The following SGCZ variants were observed in gnomAD, a reference collection of about 807,000 sequenced individuals.
SGCZ encodes the protein sarcoglycan zeta.
In SGCZ, 40 loss-of-function variants were observed where a neutral mutation model predicts 41.3. The ratio of observed to expected loss-of-function variants is 0.97; its 90% CI spans 0.75 to 1.26. The LOEUF is 1.26. Ranked by LOEUF, SGCZ falls within the 50% of genes most tolerant of loss-of-function variation. The probability of loss-of-function intolerance (pLI) is 0.00; values close to 1 mark genes in which losing one functional copy is unlikely to be tolerated. For synonymous variants in SGCZ, 206 were observed against 137.5 expected, an observed-to-expected ratio of 1.50 and a Z score of -3.49; for missense variants, 552 against 369.8, an observed-to-expected ratio of 1.49 and a Z score of -4.04.
chr8:14,712,560 G>T (rs1809555283), intron 1 of SGCZ, among the ~76,000 whole-genome samples: 1 of 152,056 alleles, frequency 6.6e-6, no homozygotes, highest in Non-Finnish European at 1.5e-5. Flanking sequence ...TCTTTTGGGG[G>T]GAGACAAATG....
chr8:14,558,754 C>T (rs1426955200), intron 1 of SGCZ, among the ~76,000 whole-genome samples: 2 of 151,992 alleles, frequency 1.3e-5, no homozygotes, highest in Non-Finnish European at 2.9e-5. Context: ...TACTAGCTAA[C>T]CAAATCCAAT....
intron 2 of SGCZ, among the ~76,000 whole-genome samples, chr8:14,409,674 A>G (rs772780084): frequency 3.9e-5 from 6 of 152,132 alleles, no homozygotes; most frequent in Non-Finnish European, 7.4e-5. Context: ...GCTAACGCTA[A>G]CCACCATATT....
chr8:14,562,176 C>A (rs1804226083), intron 1 of SGCZ, among the ~76,000 whole-genome samples: 1 of 151,964 alleles, frequency 6.6e-6, no homozygotes, highest in Admixed American at 6.6e-5. Context: ...ATATTAGTGC[C>A]CAGGAAATTT....
At chr8:14,457,724 G>A (rs753840513) in intron 2 of SGCZ, among the ~76,000 whole-genome samples, 7 of 152,118 alleles carry the variant, frequency 4.6e-5, no homozygotes, top group Non-Finnish European at 2.9e-5. Context: ...TCTCTGCCTC[G>A]GCTGCCAGGC....
intron 2 of SGCZ, among the ~76,000 whole-genome samples, chr8:14,328,044 A>G (rs971621472): frequency 6.6e-6 from 1 of 152,072 alleles, no homozygotes; most frequent in Non-Finnish European, 1.5e-5. Context: ...CACTGTGTCT[A>G]TTTCTCCCTT....
intron 3 of SGCZ, among the ~76,000 whole-genome samples, chr8:14,263,615 G>C (rs1267955163): frequency 6.6e-6 from 1 of 151,978 alleles, no homozygotes; most frequent in Non-Finnish European, 1.5e-5. Flanking sequence ...GCAAAGAAGA[G>C]GCAGAGCAAA....
chr8:14,102,928 C>T (rs754185387), intron 6 of SGCZ, among the ~76,000 whole-genome samples: 1 of 152,070 alleles, frequency 6.6e-6, no homozygotes, highest in Non-Finnish European at 1.5e-5. Context: ...TATATGTATT[C>T]CTCAATAAAG....
rs1159106575 is a variant in SGCZ at position 14,087,492 on chromosome 8, T to C, written c.*2951A>G. 6.6e-6 allele frequency among the ~76,000 whole-genome samples: 1 copy of C among 151,680 alleles called. No individual in the cohort carries two copies. Among genetic ancestry groups the C allele is most frequent in the African/African-American group, 2.4e-5 (1 of 41,392 alleles). The stretch of plus-strand genomic sequence containing the variant: ...TTTTCTTCTTCCGTTTGTTCCTTCC[T>C]GGCGTACACTGAGTATGAAGTTATT... On this transcript the variant is annotated 3_prime_UTR_variant, in exon 8 of 8. Coordinates refer to ENST00000382080, the MANE Select transcript of SGCZ (RefSeq NM_139167.4).
intron 1 of SGCZ, among the ~76,000 whole-genome samples, chr8:15,128,666 T>C (rs779977817): frequency 3.3e-5 from 5 of 152,182 alleles, no homozygotes; most frequent in African/African-American, 4.8e-5. Flanking sequence ...TTGTGTTCTG[T>C]GAAATGGCTT....
chr8:15,167,444 A>AC (rs35262292), intron 1 of SGCZ, among the ~76,000 whole-genome samples: 35,048 of 152,066 alleles, frequency 0.23, 4,912 homozygotes, highest in East Asian at 0.68. Context: ...TCATCTTGGG[A>AC]CTTAAGAGGA....
chr8:14,359,125 A>ACAGATTTAACCCAAATAAG (rs1385111302), intron 2 of SGCZ, among the ~76,000 whole-genome samples: 1 of 147,406 alleles, frequency 6.8e-6, no homozygotes, highest in East Asian at 1.9e-4. Flanking sequence ...TAGAGAAACA[A>ACAGATTTAACCCAAATAAG]AGTACAAGAA....
At chr8:14,456,948 C>T (rs1199195349) in intron 2 of SGCZ, among the ~76,000 whole-genome samples, 1 of 152,154 alleles carries the variant, frequency 6.6e-6, no homozygotes, top group African/African-American at 2.4e-5. Context: ...TCTCACTTTG[C>T]CTTCTGCCAT....
chr8:14,252,526 C>G (rs904857037), intron 3 of SGCZ, among the ~76,000 whole-genome samples: 5 of 152,076 alleles, frequency 3.3e-5, no homozygotes, highest in South Asian at 2.1e-4. Flanking sequence ...TTTCTGATAG[C>G]CTTTTTGATT....
intron 2 of SGCZ, among the ~76,000 whole-genome samples, chr8:14,533,901 A>C (rs1803213844): frequency 1.3e-5 from 2 of 152,006 alleles, no homozygotes; most frequent in South Asian, 4.1e-4. Context: ...CTTCAAAATG[A>C]AAGCATGTTG....
Position 14,554,816 on chromosome 8 carries a change from G to A in SGCZ, c.150C>T (p.Tyr50=), listed in dbSNP as rs1803981008. ...TAACCAACAGCAGAAGGACAAAGAAGTATAAGCACCTCTTTCGCCATCCAT... is the reference window on the plus strand; with the variant it reads ...TAACCAACAGCAGAAGGACAAAGAAATATAAGCACCTCTTTCGCCATCCAT... The part of the protein sequence containing the change: ...GIYGWRKRCL[Y]FFVLLLLVTM... Residue 50 remains tyrosine (Y), a synonymous_variant, in exon 2 of 8, where the codon TAC becomes TAT. Transcript: ENST00000382080. 6.2e-7 allele frequency: 1 copy of A among 1,613,280 alleles called. No individual in the cohort carries two copies. Among genetic ancestry groups the A allele is most frequent in the Non-Finnish European group, 8.5e-7 (1 of 1,179,560 alleles).
At chr8:14,955,728 T>C (rs1368421104) in intron 1 of SGCZ, among the ~76,000 whole-genome samples, 2 of 152,306 alleles carry the variant, frequency 1.3e-5, no homozygotes, top group African/African-American at 2.4e-5. Context: ...TTTTTTTTCA[T>C]TCACAGAAGT....
chr8:14,548,797 G>A (rs1803709599), intron 2 of SGCZ, among the ~76,000 whole-genome samples: 1 of 152,024 alleles, frequency 6.6e-6, no homozygotes, highest in African/African-American at 2.4e-5. Context: ...AGAATATCCT[G>A]CATATGAGAC....
In SGCZ at chr8:14,727,645, G is replaced by T. The variant is rs576963363; in HGVS notation, c.40-172719C>A. ...CCTGCCTGAGCCTCCCGAGTAGCTGGGACTACAGGCGCCCTCCACCACGCC... is the reference window on the plus strand; with the variant it reads ...CCTGCCTGAGCCTCCCGAGTAGCTGTGACTACAGGCGCCCTCCACCACGCC... On this transcript the variant is annotated intron_variant, in intron 1 of 7. Transcript: ENST00000382080. 1.6e-3 allele frequency among the ~76,000 whole-genome samples: 244 copies of T among 151,796 alleles called. 1 individual carries two copies. The highest frequency in any genetic ancestry group is 2.3e-3 in the Non-Finnish European group (158 of 67,932).
chr8:14,102,665 G>A lies in SGCZ; in HGVS notation c.621-166C>T, dbSNP rs554509848. Among the ~76,000 whole-genome samples, 506 of 152,256 alleles carry A rather than the reference G, an allele frequency of 3.3e-3. 4 individuals carry two copies. The highest frequency in any genetic ancestry group is 0.012 in the African/African-American group (488 of 41,558). ...ACCATTTTAGGCAAAGCCAGAATGA[G>A]TTTCAGAACAATTTTTGATTGACGT... On this transcript the variant is annotated intron_variant, in intron 6 of 7. Coordinates refer to ENST00000382080, the MANE Select transcript of SGCZ (RefSeq NM_139167.4).
Sources: allele counts gnomAD v4.1 joint callset (sites outside exome capture counted in the v4.1 genomes callset), GRCh38; gene constraint gnomAD v4.1.1; transcripts MANE v1.5; gene names NCBI Gene and HGNC (gene_info 2026-07-23, HGNC 2026-07-21).